The following COBL variants were observed in gnomAD, a reference collection of about 807,000 sequenced individuals.
COBL encodes protein cordon-bleu.
COBL carries 51 observed loss-of-function variants against 98.8 expected under a neutral mutation model. The ratio of observed to expected loss-of-function variants is 0.52; its 90% CI spans 0.41 to 0.65. COBL has a LOEUF of 0.65. Among genes scored for constraint, COBL ranks in the 30% least tolerant of loss-of-function variants. The pLI is 0.00. For missense variants in COBL, 1,617 were observed against 1,617.5 expected (o/e 1.00, Z 0.01); for synonymous variants, 634 against 651.7 (o/e 0.97, Z 0.41).
At chr7:51,085,048 A>G (rs1794064872) in intron 7 of COBL, 118 bp downstream of exon 7, 1 of 1,423,880 alleles carries the variant, frequency 7.0e-7, no homozygotes, top group Non-Finnish European at 9.6e-7. Context: ...TTTAGCATTA[A>G]TATTTTTTGG....
intron 1 of COBL, among the ~76,000 whole-genome samples, chr7:51,254,063 TTTGAG>T (rs1440537768): frequency 7.2e-6 from 1 of 138,522 alleles, no homozygotes; most frequent in Non-Finnish European, 1.7e-5. Flanking sequence ...ATTCTTCCTT[TTTGAG>T]TTGTTTTTTT....
chr7:51,280,279 A>G lies in COBL; in HGVS notation c.41+36314T>C, dbSNP rs534536351. Among the ~76,000 whole-genome samples the G allele has an allele frequency of 2.0e-5, 3 of 152,314 alleles. No homozygotes were observed. In the South Asian group the frequency reaches 6.2e-4, roughly 32 times the overall value. On this transcript the variant is annotated intron_variant, in intron 1 of 12. Coordinates refer to ENST00000265136, the MANE Select transcript of COBL (RefSeq NM_015198.5). ...GAAACCTTCTAGTGCTGGGCTAAAG[A>G]GAAGGGAATGGGTCCCCTAATGTTT... is the stretch of plus-strand genomic sequence containing the variant.
At chr7:51,150,580 T>C (rs768204000) in intron 5 of COBL, among the ~76,000 whole-genome samples, 9 of 152,240 alleles carry the variant, frequency 5.9e-5, no homozygotes, top group South Asian at 2.1e-4. Flanking sequence ...GGAGAAACTA[T>C]GGGAGTCAGG....
chr7:51,107,986 C>T (rs189868092), intron 6 of COBL, among the ~76,000 whole-genome samples: 1 of 152,282 alleles, frequency 6.6e-6, no homozygotes, highest in East Asian at 1.9e-4. Context: ...TGCAGCCCAC[C>T]CTCTCCCTCA....
rs1803657106 is a variant in COBL at position 51,316,763 on chromosome 7, A to AGGACAGCGGC, written c.-140_-131dup. On this transcript the variant is annotated 5_prime_UTR_variant, in exon 1 of 13. Transcript: ENST00000265136. ...ATCGTCCTCCCACGCGGGCCGGCGG[A>AGGACAGCGGC]GGACAGCGGCGGAGCGCGGCGGACG... 1 of 731,136 alleles carries AGGACAGCGGC rather than the reference A, an allele frequency of 1.4e-6. No homozygotes were observed. The highest frequency in any genetic ancestry group is 4.0e-5 in the East Asian group (1 of 25,044). 45.3% of individuals were successfully genotyped at this position (731,136 alleles called of 1,614,324 possible).
At chr7:51,116,162 G>C (rs1562931024) in intron 6 of COBL, among the ~76,000 whole-genome samples, 1 of 151,820 alleles carries the variant, frequency 6.6e-6, no homozygotes, top group Non-Finnish European at 1.5e-5. Context: ...CTTTTAACTG[G>C]AGTGTTTAGT....
chr7:51,302,964 T>G lies in COBL; in HGVS notation c.41+13629A>C, dbSNP rs116332677. The stretch of plus-strand genomic sequence containing the variant: ...GGCATGTGCTAAATCACCAGCTCAG[T>G]CTTCCCAACGCAATGCTGCAACTAT... On this transcript the variant is annotated intron_variant, in intron 1 of 12. Coordinates refer to ENST00000265136, the MANE Select transcript of COBL (RefSeq NM_015198.5). Among the ~76,000 whole-genome samples, 1,402 of 152,246 alleles carry G rather than the reference T, an allele frequency of 9.2e-3. 18 individuals are homozygous for G. Among genetic ancestry groups the G allele is most frequent in the African/African-American group, 0.033 (1,361 of 41,530 alleles).
At chr7:51,130,210 ACTCT>A (rs887251018) in intron 6 of COBL, among the ~76,000 whole-genome samples, 47 of 151,972 alleles carry the variant, frequency 3.1e-4, no homozygotes, top group African/African-American at 1.1e-3. Flanking sequence ...AAACTGAAGG[ACTCT>A]CTCTACTTTG....
intron 6 of COBL, among the ~76,000 whole-genome samples, chr7:51,098,219 A>ATTTTTTTTTTTTTTTTTTTTTTT (rs1554384788): frequency 1.8e-5 from 1 of 57,018 alleles, no homozygotes; most frequent in South Asian, 5.1e-4. Context: ...TCCCAATAGC[A>ATTTTTTTTTTTTTTTTTTTTTTT]GTTTCTTTTT....
intron 1 of COBL, among the ~76,000 whole-genome samples, chr7:51,239,073 T>G (rs1171173692): frequency 6.6e-6 from 1 of 152,212 alleles, no homozygotes; most frequent in Non-Finnish European, 1.5e-5. Flanking sequence ...TCCTACTGAT[T>G]TCACTGTTAT....
At chr7:51,292,809 C>T (rs1258437284) in intron 1 of COBL, among the ~76,000 whole-genome samples, 1 of 152,248 alleles carries the variant, frequency 6.6e-6, no homozygotes, top group Admixed American at 6.5e-5. Context: ...AGGCCCCGAG[C>T]AGCCCTGAGT....
chr7:51,052,997 A>C (rs565974709), intron 7 of COBL, among the ~76,000 whole-genome samples: 1 of 152,348 alleles, frequency 6.6e-6, no homozygotes, highest in East Asian at 1.9e-4. Context: ...TTTCCCAAGA[A>C]GGCAGGACCG....
intron 6 of COBL, among the ~76,000 whole-genome samples, chr7:51,101,932 A>G (rs942739993): frequency 6.6e-6 from 1 of 152,142 alleles, no homozygotes. Context: ...TAGAAGGTGG[A>G]GCCTTTGGGA....
intron 7 of COBL, among the ~76,000 whole-genome samples, chr7:51,057,769 C>T (rs1245185573): frequency 1.3e-5 from 2 of 152,142 alleles, no homozygotes; most frequent in Non-Finnish European, 2.9e-5. Context: ...CTCAAAATAA[C>T]CTACATGAGA....
chr7:51,115,543 T>C (rs370316380), intron 6 of COBL, among the ~76,000 whole-genome samples: 1 of 152,148 alleles, frequency 6.6e-6, no homozygotes, highest in Admixed American at 6.5e-5. Flanking sequence ...CTTAAAAGTA[T>C]GTTGTTTGCC....
rs749574152 is a variant in COBL at position 51,085,333 on chromosome 7, T to A, written c.958-29A>T. ...TGAAGTACAAAGAAGGAAAGTACAA[T>A]CAAAGTACTTTGTACCTATGAAGTA... On this transcript the variant is annotated intron_variant, in intron 6 of 12. Transcript: ENST00000265136. The A allele has an allele frequency of 1.4e-5, 7 of 502,166 alleles. No homozygotes were observed. In the East Asian group the frequency reaches 2.9e-4, roughly 21 times the overall value. 31.1% of individuals were successfully genotyped at this position (502,166 alleles called of 1,614,324 possible).
At chr7:51,081,796 G>A (rs544451134) in intron 7 of COBL, among the ~76,000 whole-genome samples, 3 of 152,212 alleles carry the variant, frequency 2.0e-5, no homozygotes, top group Non-Finnish European at 2.9e-5. Context: ...TGAGCACAGC[G>A]GCCACAGGAG....
At chr7:51,135,753 A>G (rs1799172001) in intron 6 of COBL, among the ~76,000 whole-genome samples, 1 of 152,200 alleles carries the variant, frequency 6.6e-6, no homozygotes, top group Non-Finnish European at 1.5e-5. Context: ...CACAGAATGA[A>G]TGGACTCTGA....
intron 5 of COBL, among the ~76,000 whole-genome samples, chr7:51,179,743 T>G (rs771049614): frequency 6.6e-6 from 1 of 152,194 alleles, no homozygotes; most frequent in Non-Finnish European, 1.5e-5. Context: ...CTGATAATTT[T>G]GGAGATCATG....
Sources: allele counts gnomAD v4.1 joint callset (sites outside exome capture counted in the v4.1 genomes callset), GRCh38; gene constraint gnomAD v4.1.1; transcripts MANE v1.5; gene names NCBI Gene and HGNC (gene_info 2026-07-23, HGNC 2026-07-21).